Variants in MCCC1 observed in about 807,000 individuals in gnomAD.
The protein encoded by MCCC1 is methylcrotonyl-CoA carboxylase subunit 1, also known as methylcrotonoyl-CoA carboxylase subunit alpha, mitochondrial.
A neutral mutation model predicts 83.8 loss-of-function variants in MCCC1; 64 were observed. The ratio of observed to expected loss-of-function variants is 0.76; its 90% CI spans 0.62 to 0.94. The LOEUF (loss-of-function observed/expected upper bound fraction) is 0.94. Ranked by LOEUF, MCCC1 falls within the 40% of genes least tolerant of loss-of-function variation. The pLI is 0.00. For synonymous variants in MCCC1, 322 were observed against 315.4 expected (o/e 1.02, Z -0.22); for missense variants, 807 against 904.7 (o/e 0.89, Z 1.39).
intron 14 of MCCC1, among the ~76,000 whole-genome samples, chr3:183,032,873 C>CA (rs374480916): frequency 0.047 from 5,393 of 115,474 alleles, 158 homozygotes; most frequent in East Asian, 0.1. Context: ...GAGTCTGTGT[C>CA]AAAAAAAAAA....
chr3:183,102,214 A>T (rs904682310), upstream of MCCC1, among the ~76,000 whole-genome samples: 42 of 152,064 alleles, frequency 2.8e-4, no homozygotes, highest in Admixed American at 1.4e-3. Flanking sequence ...ACATTTTTTT[A>T]AAAAAACTGG....
chr3:183,065,633 A>ATT (rs35330892), intron 7 of MCCC1, among the ~76,000 whole-genome samples: 30 of 151,948 alleles, frequency 2.0e-4, no homozygotes, highest in East Asian at 3.9e-4. Flanking sequence ...AGGAATGTGG[A>ATT]TTTTTTTTGT....
At chr3:183,104,972 G>A (rs1449545821) in intron 1 of MCCC1, among the ~76,000 whole-genome samples, 1 of 152,218 alleles carries the variant, frequency 6.6e-6, no homozygotes, top group Non-Finnish European at 1.5e-5. Context: ...ACCCAAAGAT[G>A]TTTGAAATGA....
At chr3:183,053,438 T>C (rs1383765515) in intron 8 of MCCC1, among the ~76,000 whole-genome samples, 1 of 151,926 alleles carries the variant, frequency 6.6e-6, no homozygotes, top group Non-Finnish European at 1.5e-5. Context: ...TAGTGAACCA[T>C]GTTTGTGCCA....
At chr3:183,092,039 G>A (rs772002063) in intron 3 of MCCC1, among the ~76,000 whole-genome samples, 7 of 150,668 alleles carry the variant, frequency 4.6e-5, no homozygotes, top group Non-Finnish European at 1.0e-4. Context: ...GCAACAGAGC[G>A]AGACTCAATC....
chr3:183,091,498 G>A (rs900639783), intron 3 of MCCC1, among the ~76,000 whole-genome samples: 3 of 152,130 alleles, frequency 2.0e-5, no homozygotes, highest in African/African-American at 7.2e-5. Context: ...AACCTGGAAG[G>A]TGGAGGTTGC....
At chr3:183,094,502 T>A (rs1718597657) in intron 2 of MCCC1, 57 bp downstream of exon 2, 2 of 1,535,616 alleles carry the variant, frequency 1.3e-6, no homozygotes, top group Non-Finnish European at 1.8e-6. Flanking sequence ...CATTTCCCTT[T>A]CTTAAACACT....
chr3:183,041,646 C>T lies in MCCC1; in HGVS notation c.1188G>A (p.Met396Ile). ...GGTGCACTAATGGGCCTGCCACAGG[C>T]ATGAAGTTATTGCTAGGATCTTCTG... Reference protein sequence around the residue: ...IYAEDPSNNFMPVAGPLVHLS... With the variant: ...IYAEDPSNNFIPVAGPLVHLS... Residue 396 changes from methionine (M) to isoleucine (I), a missense_variant, in exon 11 of 19, where the codon ATG becomes ATA. Met to Ile is a conservative substitution (Grantham distance 10). Coordinates refer to ENST00000265594, the MANE Select transcript of MCCC1 (RefSeq NM_020166.5). 6.2e-7 allele frequency: 1 copy of T among 1,614,216 alleles called. No individual in the cohort carries two copies. Among genetic ancestry groups the T allele is most frequent in the Non-Finnish European group, 8.5e-7 (1 of 1,180,042 alleles).
upstream of MCCC1, among the ~76,000 whole-genome samples, chr3:183,103,160 G>A (rs1719346111): frequency 6.6e-6 from 1 of 152,064 alleles, no homozygotes; most frequent in Non-Finnish European, 1.5e-5. Flanking sequence ...GCTCAGGCAG[G>A]AGTGAAGCTG....
intron 8 of MCCC1, among the ~76,000 whole-genome samples, chr3:183,053,877 A>AATTT (rs1480067012): frequency 7.2e-6 from 1 of 138,556 alleles, no homozygotes. Context: ...GCTATAAAGA[A>AATTT]TTTTTTTTTT....
At chr3:183,072,015 C>T (rs548728982) in intron 5 of MCCC1, among the ~76,000 whole-genome samples, 6 of 151,622 alleles carry the variant, frequency 4.0e-5, no homozygotes, top group East Asian at 1.9e-4. Context: ...CCCACAGGCA[C>T]GTGCCACCAT....
chr3:183,110,145 G>C (rs529362276), intron 1 of MCCC1, among the ~76,000 whole-genome samples: 7 of 152,238 alleles, frequency 4.6e-5, no homozygotes, highest in Admixed American at 3.9e-4. Context: ...CTGGGTATTA[G>C]ACCTTTGTCA....
intron 7 of MCCC1, among the ~76,000 whole-genome samples, chr3:183,063,171 G>A (rs1403416042): frequency 1.3e-5 from 1 of 75,580 alleles, no homozygotes; most frequent in Non-Finnish European, 2.6e-5. Flanking sequence ...TTTTAGTAGA[G>A]ACGGGGTTTC....
chr3:183,061,817 GTTT>G (rs1004173312), intron 7 of MCCC1, among the ~76,000 whole-genome samples: 1 of 152,160 alleles, frequency 6.6e-6, no homozygotes, highest in Admixed American at 6.5e-5. Flanking sequence ...TGAAGTGTTT[GTTT>G]TTCTAATTCC....
chr3:183,041,535 A>G, intron 11 of MCCC1, 32 bp downstream of exon 11: 1 of 1,612,790 alleles, frequency 6.2e-7, no homozygotes, highest in Non-Finnish European at 8.5e-7. Context: ...AAACTTAAAA[A>G]GAGTGAGACT....
intron 3 of MCCC1, chr3:183,091,024 T>A (rs1417060624): frequency 6.6e-6 from 3 of 456,552 alleles, no homozygotes; most frequent in East Asian, 6.9e-5. Context: ...GAAATCAAGA[T>A]CATCCTGCTG....
intron 7 of MCCC1, among the ~76,000 whole-genome samples, chr3:183,058,760 G>A (rs868353335): frequency 6.6e-6 from 1 of 152,132 alleles, no homozygotes; most frequent in South Asian, 2.1e-4. Context: ...ACTATTTGGT[G>A]AACATGAAAT....
chr3:183,075,332 C>T (rs1716986290), intron 4 of MCCC1, among the ~76,000 whole-genome samples: 1 of 152,220 alleles, frequency 6.6e-6, no homozygotes, highest in South Asian at 2.1e-4. Flanking sequence ...CTCCTACCAA[C>T]AGTGTATAAG....
chr3:183,037,547 AT>A (rs1407222083), intron 12 of MCCC1, 113 bp from the exon 13 acceptor site: 1 of 933,848 alleles, frequency 1.1e-6, no homozygotes, highest in East Asian at 2.6e-5. Context: ...CTTAGGAAAA[AT>A]AAAAAACCTA....
Sources: gnomAD v4.1 joint callset for allele counts (sites outside exome capture counted in the v4.1 genomes callset) on GRCh38, gnomAD v4.1.1 for gene constraint, MANE v1.5 for transcripts, NCBI Gene and HGNC (gene_info 2026-07-23, HGNC 2026-07-21) for gene names.